Variants in CDHR3 observed in about 807,000 individuals in gnomAD.
CDHR3 encodes the protein cadherin-related family member 3.
Under a neutral mutation model 86.6 loss-of-function variants are expected in CDHR3, and 79 were observed. The ratio of observed to expected loss-of-function variants is 0.91; its 90% CI spans 0.76 to 1.10. The LOEUF (loss-of-function observed/expected upper bound fraction) is 1.10. Among genes scored for constraint, CDHR3 ranks in the 50% least tolerant of loss-of-function variants. The pLI is 0.00. For missense variants in CDHR3, 1,081 were observed against 1,077.6 expected (o/e 1.00, Z -0.04); for synonymous variants, 421 against 402.4 (o/e 1.05, Z -0.55).
chr7:105,996,628 G>A lies in CDHR3; in HGVS notation c.713+274G>A, dbSNP rs73195651. On this transcript the variant is annotated intron_variant, in intron 6 of 18. Transcript: ENST00000317716. ...AAGGGGTGGACACATGCCCCGGGGT[G>A]TGGCCTGCACTGTGCACATGCAGAG... Among the ~76,000 whole-genome samples the A allele has an allele frequency of 1.7e-3, 261 of 152,294 alleles. 1 individual carries two copies. Among genetic ancestry groups the A allele is most frequent in the Non-Finnish European group, 2.9e-3 (199 of 68,026 alleles).
Position 106,018,134 on chromosome 7 carries a change from C to G in CDHR3, c.1653+62C>G, listed in dbSNP as rs79748771. ...ACTGGTTGACTTAGGGTCTCTCTGG[C>G]ACCCCCAGAGTGTGGATGTGGCAAT... On this transcript the variant is annotated intron_variant, in intron 12 of 18. Coordinates refer to ENST00000317716, the MANE Select transcript of CDHR3 (RefSeq NM_152750.5). 9 of 1,358,436 alleles carry G rather than the reference C, an allele frequency of 6.6e-6. No homozygotes were observed. In the East Asian group the frequency reaches 2.1e-4, roughly 31 times the overall value. 84.1% of individuals were successfully genotyped at this position (1,358,436 alleles called of 1,614,324 possible).
At chr7:105,997,746 G>A (rs1832478124) in intron 6 of CDHR3, among the ~76,000 whole-genome samples, 1 of 152,144 alleles carries the variant, frequency 6.6e-6, no homozygotes, top group African/African-American at 2.4e-5. Context: ...GGCAGAGCTT[G>A]TAAACCATCT....
chr7:106,032,537 T>C lies in CDHR3; in HGVS notation c.2498T>C (p.Leu833Pro), dbSNP rs762482182. Reference protein sequence around the residue: ...RVTAGEGMGSLRSANWEEDEL... With the variant: ...RVTAGEGMGSPRSANWEEDEL... Reference sequence around the variant, plus strand: ...ACTGCTGGGGAAGGGATGGGGTCACTGAGAAGTGCCAACTGGGAAGAAGAT... The same window carrying C: ...ACTGCTGGGGAAGGGATGGGGTCACCGAGAAGTGCCAACTGGGAAGAAGAT... The change falls in exon 19 of 19, where the codon CTG (leucine) becomes CCG (proline). Residue 833 changes from leucine to proline, a missense_variant. Leu to Pro is a moderately conservative substitution (Grantham distance 98, BLOSUM62 -3). Coordinates refer to ENST00000317716, the MANE Select transcript of CDHR3 (RefSeq NM_152750.5). The C allele has an allele frequency of 6.2e-7, 1 of 1,613,638 alleles. No homozygotes were observed. The highest frequency in any genetic ancestry group is 2.2e-5 in the East Asian group (1 of 44,894).
In CDHR3 at chr7:106,024,403, T is replaced by C; in HGVS notation, c.2099T>C (p.Leu700Pro). Residue 700 changes from leucine to proline, a missense_variant, in exon 15 of 19, where the codon CTG becomes CCG. Physicochemically the swap from Leu to Pro is moderately conservative, Grantham distance 98 (BLOSUM62 -3). Coordinates refer to ENST00000317716, the MANE Select transcript of CDHR3 (RefSeq NM_152750.5). ...AAGCCCAGGGTCACCTATCAGGTCC[T>C]GAGGAAAAACGTTTACTCTCCATCT... ...TPRPRVTYQV[L>P]RKNVYSPSAW... 1 of 1,614,014 alleles carries C rather than the reference T, an allele frequency of 6.2e-7. No homozygotes were observed. Among genetic ancestry groups the C allele is most frequent in the East Asian group, 2.2e-5 (1 of 44,882 alleles).
intron 5 of CDHR3, 91 bp downstream of exon 5, chr7:105,994,936 C>A: frequency 3.0e-6 from 3 of 1,008,924 alleles, no homozygotes; most frequent in Non-Finnish European, 4.6e-6. Context: ...CTGAGGGCAG[C>A]TGGGGGGAGC....
chr7:105,975,180 T>C, intron 2 of CDHR3, 134 bp downstream of exon 2: 1 of 777,668 alleles, frequency 1.3e-6, no homozygotes, highest in Non-Finnish European at 2.2e-6. Context: ...CCAGGAGTCC[T>C]GTCTGAGGCA....
At chr7:106,023,988 G>A (rs1428019501) in intron 14 of CDHR3, among the ~76,000 whole-genome samples, 1 of 152,116 alleles carries the variant, frequency 6.6e-6, no homozygotes, top group East Asian at 1.9e-4. Flanking sequence ...ACACTGAAAA[G>A]CCTACAAGGC....
At chr7:106,018,943 T>C (rs1233799506) in intron 12 of CDHR3, among the ~76,000 whole-genome samples, 2 of 152,136 alleles carry the variant, frequency 1.3e-5, no homozygotes, top group Non-Finnish European at 2.9e-5. Flanking sequence ...GGGGCGGCGC[T>C]GCTGGTCCCC....
Position 105,977,063 on chromosome 7 carries a change from C to T in CDHR3, c.249+2017C>T, listed in dbSNP as rs116220171. Among the ~76,000 whole-genome samples the T allele has an allele frequency of 3.6e-3, 544 of 150,366 alleles. 5 individuals carry two copies. The highest frequency in any genetic ancestry group is 0.012 in the African/African-American group (507 of 40,940). The stretch of plus-strand genomic sequence containing the variant: ...CATTCCTGGGCTCAAGTGATCCTCT[C>T]GCCTCAGCCTCCCCAGTAGCTGAGA... On this transcript the variant is annotated intron_variant, in intron 2 of 18. Transcript: ENST00000317716.
chr7:105,986,532 T>G (rs911369156), intron 4 of CDHR3, among the ~76,000 whole-genome samples: 1 of 152,210 alleles, frequency 6.6e-6, no homozygotes, highest in Non-Finnish European at 1.5e-5. Flanking sequence ...AACAAATTTA[T>G]TTAACCAAAG....
Position 106,015,153 on chromosome 7 carries a change from GC to G in CDHR3, c.1269del (p.Gly424AlafsTer6). The G allele has an allele frequency of 6.2e-7, 1 of 1,611,476 alleles. No homozygotes were observed. Among genetic ancestry groups the G allele is most frequent in the Non-Finnish European group, 8.5e-7 (1 of 1,178,916 alleles). ...CTACGAAAATCCAAGTAACCTAGCAGCCGGCAATAAATATACGGTGATAATC... is the reference window on the plus strand; with the variant it reads ...CTACGAAAATCCAAGTAACCTAGCAGCGGCAATAAATATACGGTGATAATC... ...LDYENPSNLAAGNKYTVIIQV... is the reference protein window; with the variant it reads ...LDYENPSNLAXGNKYTVIIQV... On this transcript the variant is annotated frameshift_variant, in exon 10 of 19. Coordinates refer to ENST00000317716, the MANE Select transcript of CDHR3 (RefSeq NM_152750.5). LOFTEE classifies it high-confidence loss of function.
At chr7:106,025,904 G>C (rs1837282478) in intron 15 of CDHR3, among the ~76,000 whole-genome samples, 1 of 152,104 alleles carries the variant, frequency 6.6e-6, no homozygotes, top group African/African-American at 2.4e-5. Context: ...AAGAGTAATT[G>C]CTTGTAAGGA....
chr7:106,024,530 C>G lies in CDHR3; in HGVS notation c.2226C>G (p.Cys742Trp). The change falls in exon 15 of 19, where the codon TGC becomes TGG. Residue 742 changes from cysteine (C) to tryptophan (W), a missense_variant. By Grantham distance (215) the Cys-to-Trp change is radical. Transcript: ENST00000317716. ...VLLAKAIHRH[C>W]PCKTGKNKEP... ...TGGCCAAAGCCATCCACAGACACTGCCCCTGCAAGACTGGGAAGAACAAGG... is the reference window on the plus strand; with the variant it reads ...TGGCCAAAGCCATCCACAGACACTGGCCCTGCAAGACTGGGAAGAACAAGG... The G allele has an allele frequency of 6.2e-7, 1 of 1,614,038 alleles. No individual in the cohort carries two copies. The highest frequency in any genetic ancestry group is 1.3e-5 in the African/African-American group (1 of 75,054).
chr7:106,016,055 T>C (rs1395841847), intron 11 of CDHR3, 30 bp downstream of exon 11: 1 of 1,426,928 alleles, frequency 7.0e-7, no homozygotes, highest in South Asian at 1.2e-5. Context: ...CAGACCAGAG[T>C]GCTGTCAATG....
intron 10 of CDHR3, 137 bp from the exon 11 acceptor site, chr7:106,015,790 G>A: frequency 1.4e-6 from 1 of 704,128 alleles, no homozygotes; most frequent in Non-Finnish European, 2.6e-6. Context: ...CATCTAAAAG[G>A]CAGGAGCTCC....
At position 106,015,217 on chromosome 7, in the gene CDHR3, A is replaced by G. The variant is rs1336972374; in HGVS notation, c.1327+4A>G. The G allele has an allele frequency of 3.1e-6, 5 of 1,600,400 alleles. No homozygotes were observed. The East Asian group carries it at 6.7e-5, about 22-fold the overall frequency. Reference sequence around the variant, plus strand: ...GTGGCCCCCCCTTACTATAAAAGCAAGTATCATTTTGTTTTATTTCATGAT... The same window carrying G: ...GTGGCCCCCCCTTACTATAAAAGCAGGTATCATTTTGTTTTATTTCATGAT... On this transcript the variant is annotated splice_donor_region_variant and intron_variant, in intron 10 of 18. Coordinates refer to ENST00000317716, the MANE Select transcript of CDHR3 (RefSeq NM_152750.5).
intron 8 of CDHR3, among the ~76,000 whole-genome samples, chr7:106,010,309 C>T (rs1012589783): frequency 3.9e-5 from 6 of 152,186 alleles, no homozygotes; most frequent in African/African-American, 1.4e-4. Flanking sequence ...CTCTTTCTTC[C>T]CCTGTGCAGT....
At chr7:105,988,303 T>C (rs978859109) in intron 4 of CDHR3, among the ~76,000 whole-genome samples, 2 of 152,200 alleles carry the variant, frequency 1.3e-5, no homozygotes, top group Non-Finnish European at 2.9e-5. Flanking sequence ...AATGCTGAGT[T>C]TGAATACAAA....
chr7:106,018,920 C>T lies in CDHR3; in HGVS notation c.1653+848C>T, dbSNP rs575735535. On this transcript the variant is annotated intron_variant, in intron 12 of 18. Transcript: ENST00000317716. ...GGGGCCTGAGATTCTGCATTTCTGA[C>T]GTGCTTCCAAGTGGGGCGGCGCTGC... Among the ~76,000 whole-genome samples, 18 of 152,222 alleles carry T rather than the reference C, an allele frequency of 1.2e-4. No individual in the cohort carries two copies. In the East Asian group the frequency reaches 2.3e-3, roughly 20 times the overall value.
Sources: allele counts gnomAD v4.1 joint callset (sites outside exome capture counted in the v4.1 genomes callset), GRCh38; gene constraint gnomAD v4.1.1; transcripts MANE v1.5; gene names NCBI Gene and HGNC (gene_info 2026-07-23, HGNC 2026-07-21).